Variants in NDRG1 observed in about 807,000 individuals in gnomAD.
NDRG1 encodes N-myc downstream regulated 1.
A neutral mutation model predicts 56.9 loss-of-function variants in NDRG1; 32 were observed. The observed-to-expected ratio is 0.56, with a 90% CI of 0.42 to 0.76. NDRG1 has a LOEUF of 0.76. Among genes scored for constraint, NDRG1 ranks in the 30% least tolerant of loss-of-function variants. The pLI, the probability that NDRG1 is intolerant of heterozygous loss-of-function variation, is 0.00. For missense variants in NDRG1, 507 were observed against 545.7 expected (o/e 0.93, Z 0.71); for synonymous variants, 211 against 204.1 (o/e 1.03, Z -0.29).
intron 1 of NDRG1, among the ~76,000 whole-genome samples, chr8:133,285,437 C>G (rs1858055083): frequency 6.6e-6 from 1 of 152,204 alleles, no homozygotes; most frequent in Non-Finnish European, 1.5e-5. Context: ...CTCACACAGC[C>G]AGCTTCAGAG....
intron 1 of NDRG1, among the ~76,000 whole-genome samples, chr8:133,285,632 T>C (rs1003189554): frequency 2.6e-5 from 4 of 152,180 alleles, no homozygotes; most frequent in African/African-American, 7.2e-5. Flanking sequence ...GTCCATCCCT[T>C]GTGCCAACAC....
At chr8:133,250,308 A>T in intron 10 of NDRG1, 132 bp downstream of exon 10, 1 of 852,772 alleles carries the variant, frequency 1.2e-6, no homozygotes, top group Non-Finnish European at 2.0e-6. Context: ...CTGTCCTATT[A>T]ATCTATTTGC....
intron 9 of NDRG1, among the ~76,000 whole-genome samples, chr8:133,250,799 T>C (rs1275290804): frequency 6.6e-6 from 1 of 151,670 alleles, no homozygotes; most frequent in East Asian, 1.9e-4. Context: ...TCCAAACTCA[T>C]TACTTTGGGA....
At chr8:133,289,625 C>T (rs1403725028) in intron 1 of NDRG1, among the ~76,000 whole-genome samples, 1 of 152,160 alleles carries the variant, frequency 6.6e-6, no homozygotes, top group Non-Finnish European at 1.5e-5. Flanking sequence ...ATCACAGGTG[C>T]CAGGCAAAGC....
At chr8:133,244,249 C>T in intron 14 of NDRG1, 106 bp downstream of exon 14, 1 of 1,381,516 alleles carries the variant, frequency 7.2e-7, no homozygotes, top group Non-Finnish European at 1.0e-6. Context: ...AAACTGTCAT[C>T]CGATGTCACA....
chr8:133,247,906 A>G lies in NDRG1; in HGVS notation c.776T>C (p.Val259Ala), dbSNP rs201759485. ...VTLQCPALLV[V>A]GDSSPAVDAV... ...ATCCACTGCAGGCGAGCTGTCCCCAACCACCAACAGAGCAGGGCACCTGGG... is the reference window on the plus strand; with the variant it reads ...ATCCACTGCAGGCGAGCTGTCCCCAGCCACCAACAGAGCAGGGCACCTGGG... The change falls in exon 12 of 16, where the codon GTT becomes GCT. Residue 259 changes from valine to alanine, a missense_variant. Physicochemically the swap from Val to Ala is moderately conservative, Grantham distance 64 (BLOSUM62 0). Transcript: ENST00000323851. The G allele has an allele frequency of 1.2e-5, 20 of 1,614,098 alleles. No homozygotes were observed. The highest frequency in any genetic ancestry group is 4.4e-5 in the South Asian group (4 of 91,088).
intron 3 of NDRG1, among the ~76,000 whole-genome samples, chr8:133,278,850 C>T (rs1191432246): frequency 1.3e-5 from 2 of 151,800 alleles, no homozygotes; most frequent in Non-Finnish European, 1.5e-5. Flanking sequence ...GCTGAGTGAC[C>T]CCAGGCAAGT....
rs201742172 is a variant in NDRG1, at chr8:133,264,512, C to T, written c.205+35G>A. The stretch of plus-strand genomic sequence containing the variant: ...CTTTTTCCGCCACTCTCTTGGGAAC[C>T]GGCTGACAGGGAATCAGAGCTCCTC... On this transcript the variant is annotated intron_variant, in intron 4 of 15. Coordinates refer to ENST00000323851, the MANE Select transcript of NDRG1 (RefSeq NM_006096.4). The T allele has an allele frequency of 8.7e-5, 139 of 1,595,458 alleles. 1 individual carries two copies. In the Middle Eastern group the frequency reaches 1.3e-3, roughly 15 times the overall value.
intron 3 of NDRG1, among the ~76,000 whole-genome samples, chr8:133,273,409 T>A (rs1185057221): frequency 6.6e-6 from 1 of 152,194 alleles, no homozygotes; most frequent in Non-Finnish European, 1.5e-5. Context: ...TCACCATCTA[T>A]CTCACCATGG....
At chr8:133,296,694 G>GACACAC (rs36215434) in intron 1 of NDRG1, 2,833 of 270,586 alleles carry the variant, frequency 0.01, 38 homozygotes, top group East Asian at 0.048. Context: ...CCCAGACACA[G>GACACAC]ACACACACAC....
intron 9 of NDRG1, among the ~76,000 whole-genome samples, chr8:133,252,565 TCGCCAAC>T (rs1205820287): frequency 5.9e-4 from 76 of 129,504 alleles, no homozygotes; most frequent in Admixed American, 1.3e-3. Context: ...CCTGGTACAC[TCGCCAAC>T]TCCGGAGTGG....
intron 13 of NDRG1, 67 bp downstream of exon 13, chr8:133,246,549 T>A (rs1041672850): frequency 4.6e-6 from 7 of 1,512,752 alleles, no homozygotes; most frequent in Non-Finnish European, 4.6e-6. Context: ...CCTAACTCAA[T>A]GTTGCAGAAA....
intron 1 of NDRG1, among the ~76,000 whole-genome samples, chr8:133,286,765 C>T (rs1316750042): frequency 6.6e-6 from 1 of 152,178 alleles, no homozygotes; most frequent in Non-Finnish European, 1.5e-5. Context: ...TATTTATTGT[C>T]CCCCAAATGA....
intron 1 of NDRG1, among the ~76,000 whole-genome samples, chr8:133,292,400 A>G (rs1289086091): frequency 1.3e-5 from 2 of 152,094 alleles, no homozygotes; most frequent in African/African-American, 4.8e-5. Flanking sequence ...ATCAGTGGAG[A>G]TGTCCTTTCC....
intron 14 of NDRG1, among the ~76,000 whole-genome samples, chr8:133,243,713 T>TA (rs1369426738): frequency 6.6e-6 from 1 of 152,086 alleles, no homozygotes; most frequent in East Asian, 1.9e-4. Flanking sequence ...AGGTTTTGGA[T>TA]AAAAAAGATG....
intron 13 of NDRG1, chr8:133,244,651 A>G: frequency 1.7e-6 from 1 of 584,742 alleles, no homozygotes; most frequent in Non-Finnish European, 3.1e-6. Flanking sequence ...ATTTCACTCC[A>G]TTCCCCAAGA....
intron 3 of NDRG1, among the ~76,000 whole-genome samples, chr8:133,276,090 C>T (rs572335514): frequency 1.3e-5 from 2 of 152,194 alleles, no homozygotes; most frequent in Non-Finnish European, 1.5e-5. Context: ...TTAACTCAGA[C>T]GGCTCAGCCC....
chr8:133,238,101 G>C lies in NDRG1; in HGVS notation c.*777C>G, dbSNP rs1264273982. 2 of 232,990 alleles carry C rather than the reference G, an allele frequency of 8.6e-6. No homozygotes were observed. The highest frequency in any genetic ancestry group is 5.6e-5 in the Admixed American group (1 of 17,766). The allele number at this position is 232,990 out of a possible 1,614,324, so 14.4% of individuals were successfully genotyped here. A position where few individuals can be genotyped will look rare whatever the true frequency, so the allele number is the denominator to read the frequency against. ...TGGGAGGTTGGGGCTGTGGAGGAGA[G>C]GCAGAAAGCAGAACTAAAGCCTTCA... On this transcript the variant is annotated 3_prime_UTR_variant, in exon 16 of 16. Transcript: ENST00000323851.
intron 4 of NDRG1, among the ~76,000 whole-genome samples, chr8:133,262,951 C>T (rs1335496560): frequency 6.6e-6 from 1 of 152,162 alleles, no homozygotes; most frequent in Non-Finnish European, 1.5e-5. Flanking sequence ...CCTTGAATTG[C>T]CAAATAGAAC....
Sources: gnomAD v4.1 joint callset for allele counts (sites outside exome capture counted in the v4.1 genomes callset) on GRCh38, gnomAD v4.1.1 for gene constraint, MANE v1.5 for transcripts, NCBI Gene and HGNC (gene_info 2026-07-23, HGNC 2026-07-21) for gene names.